LDB1: variants seen among roughly 807,000 people sequenced by gnomAD.
LDB1 encodes the protein LIM domain binding 1.
LDB1 carries 6 observed loss-of-function variants against 49.7 expected under a neutral mutation model. The ratio of observed to expected loss-of-function variants is 0.12; its 90% CI spans 0.07 to 0.24. The LOEUF is 0.24. Among genes scored for constraint, LDB1 ranks in the 10% least tolerant of loss-of-function variants. The probability of loss-of-function intolerance (pLI) is 1.00; values close to 1 mark genes in which losing one functional copy is unlikely to be tolerated. For synonymous variants in LDB1, 233 were observed against 202.0 expected (o/e 1.15, Z -1.30); for missense variants, 341 against 561.7 (o/e 0.61, Z 3.97).
At chr10:102,110,846 G>A (rs751416953) in intron 5 of LDB1, 23 bp downstream of exon 5, 2 of 1,604,102 alleles carry the variant, frequency 1.2e-6, no homozygotes, top group South Asian at 1.1e-5. Flanking sequence ...CACCCTCATA[G>A]CAAGACCCCA....
chr10:102,110,073 C>T, intron 6 of LDB1, 30 bp from the exon 7 acceptor site: 1 of 1,603,234 alleles, frequency 6.2e-7, no homozygotes, highest in Non-Finnish European at 8.5e-7. Context: ...AACCCTGCCC[C>T]CTCCCCACAT....
intron 1 of LDB1, among the ~76,000 whole-genome samples, chr10:102,119,022 A>G (rs930449537): frequency 6.6e-6 from 1 of 152,192 alleles, no homozygotes; most frequent in African/African-American, 2.4e-5. Context: ...CCTGGGTCAC[A>G]TGATTTTCAA....
rs1273395820 is a variant in LDB1, at chr10:102,109,858, C to A, written c.648+63G>T. 4.4e-6 allele frequency: 7 copies of A among 1,587,446 alleles called. 1 individual carries two copies. Among genetic ancestry groups the A allele is most frequent in the Middle Eastern group, 3.4e-4 (2 of 5,832 alleles). ...AAGTAGTCAGTCGGGAAATGGCAGA[C>A]CTTGTTCCACCCTTCCCCCGCCTGC... is the stretch of plus-strand genomic sequence containing the variant. On this transcript the variant is annotated intron_variant, in intron 7 of 10. Coordinates refer to ENST00000673968, the MANE Select transcript of LDB1 (RefSeq NM_001113407.3). The surrounding 1 kb of genome is among the most constrained non-coding windows in gnomAD (Gnocchi z 5.8).
intron 1 of LDB1, among the ~76,000 whole-genome samples, chr10:102,115,814 T>TC (rs35398062): frequency 1.3e-5 from 2 of 152,134 alleles, no homozygotes; most frequent in Non-Finnish European, 2.9e-5. Context: ...CTATTTTTTT[T>TC]CCTAAGGTAA....
chr10:102,112,397 C>T (rs1028004988), intron 1 of LDB1, among the ~76,000 whole-genome samples: 5 of 152,132 alleles, frequency 3.3e-5, no homozygotes, highest in Non-Finnish European at 5.9e-5. Context: ...CCATCTGACC[C>T]CTCTATTGCC....
chr10:102,116,306 T>C lies in LDB1; in HGVS notation c.25+3780A>G, dbSNP rs1436838662. Among the ~76,000 whole-genome samples the C allele has an allele frequency of 7.2e-5, 11 of 152,164 alleles. No individual in the cohort carries two copies. In the East Asian group the frequency reaches 1.9e-3, roughly 27 times the overall value. The stretch of plus-strand genomic sequence containing the variant: ...AAGCGATTCTCCTGCCTCAGCCTCC[T>C]GAGTAGCTGAGATTACAGGTGCATG... On this transcript the variant is annotated intron_variant, in intron 1 of 10. Coordinates refer to ENST00000673968, the MANE Select transcript of LDB1 (RefSeq NM_001113407.3).
At chr10:102,103,621 C>T (rs943680168), downstream of LDB1, among the ~76,000 whole-genome samples, 1 of 152,064 alleles carries the variant, frequency 6.6e-6, no homozygotes, top group Non-Finnish European at 1.5e-5. Flanking sequence ...CAAGACCAGC[C>T]TGGCTGACAT....
Position 102,114,873 on chromosome 10 carries a change from C to T in LDB1, c.26-3337G>A, listed in dbSNP as rs575832338. 4.1e-6 allele frequency: 4 copies of T among 983,134 alleles called. No homozygotes were observed. In the South Asian group the frequency reaches 1.9e-4, roughly 46 times the overall value. The allele number at this position is 983,134 out of a possible 1,614,324, so 60.9% of individuals were successfully genotyped here. On this transcript the variant is annotated intron_variant, in intron 1 of 10. Transcript: ENST00000673968. Reference sequence around the variant, plus strand: ...CTGGGGGCACCAGGAGAGGCAGGACCCGGCACTCACACTCACTCACACTCG... The same window carrying T: ...CTGGGGGCACCAGGAGAGGCAGGACTCGGCACTCACACTCACTCACACTCG...
chr10:102,114,812 G>GGGCCCCCCCCCC, intron 1 of LDB1: 317 of 929,642 alleles, frequency 3.4e-4, no homozygotes, highest in Non-Finnish European at 3.7e-4. Flanking sequence ...CCTCCGAGCA[G>GGGCCCCCCCCCC]CCCGCCCGCC....
At chr10:102,120,517 T>A, upstream of LDB1, 1 of 342,734 alleles carries the variant, frequency 2.9e-6, no homozygotes, top group Non-Finnish European at 4.1e-6. Context: ...CGGGCTTTAT[T>A]AATATGCTAA....
At chr10:102,110,132 C>G in intron 6 of LDB1, 89 bp from the exon 7 acceptor site, 1 of 1,421,126 alleles carries the variant, frequency 7.0e-7, no homozygotes, top group Non-Finnish European at 9.6e-7. Context: ...GCTTACAACT[C>G]TCCCATTGCA....
At chr10:102,118,504 C>T (rs1462049102) in intron 1 of LDB1, among the ~76,000 whole-genome samples, 1 of 152,188 alleles carries the variant, frequency 6.6e-6, no homozygotes, top group East Asian at 1.9e-4. Flanking sequence ...TTTCTCTCTC[C>T]TCCCACTGGA....
intron 1 of LDB1, among the ~76,000 whole-genome samples, chr10:102,113,170 T>TCTCTCCC (rs2068280501): frequency 6.6e-6 from 1 of 152,132 alleles, no homozygotes; most frequent in Non-Finnish European, 1.5e-5. Flanking sequence ...GTCATTTAAT[T>TCTCTCCC]CTCTCCCCAG....
chr10:102,116,243 G>A (rs372599538), intron 1 of LDB1, among the ~76,000 whole-genome samples: 10 of 152,088 alleles, frequency 6.6e-5, no homozygotes, highest in Admixed American at 4.6e-4. Context: ...GTGCAGTGGC[G>A]CGATCTCGGC....
rs939847077 is a variant in LDB1 at position 102,117,615 on chromosome 10, G to A, written c.25+2471C>T. Among the ~76,000 whole-genome samples the A allele has an allele frequency of 2.6e-5, 4 of 152,000 alleles. No individual in the cohort carries two copies. Among genetic ancestry groups the A allele is most frequent in the African/African-American group, 7.2e-5 (3 of 41,382 alleles). On this transcript the variant is annotated intron_variant, in intron 1 of 10. Coordinates refer to ENST00000673968, the MANE Select transcript of LDB1 (RefSeq NM_001113407.3). This position sits in a 1 kb window ranked among gnomAD's most constrained non-coding sequence, Gnocchi z 4.2. ...TTCCTTTGTCTGTGCCCGGCCTCCC[G>A]TTGGCCTGGCGCTCTGCCATCCTCC...
At chr10:102,111,000 T>A (rs779918285) in intron 4 of LDB1, 29 bp from the exon 5 acceptor site, 6 of 1,611,534 alleles carry the variant, frequency 3.7e-6, no homozygotes, top group Non-Finnish European at 5.1e-6. Context: ...GGTGTTCATG[T>A]GTCATAAGAT....
rs1485499125 is a variant in LDB1 at position 102,117,282 on chromosome 10, A to G, written c.25+2804T>C. 6.6e-6 allele frequency among the ~76,000 whole-genome samples: 1 copy of G among 152,124 alleles called. No individual in the cohort carries two copies. Among genetic ancestry groups the G allele is most frequent in the Non-Finnish European group, 1.5e-5 (1 of 68,020 alleles). ...GATGTATCGACTGGCAAACCATTCA[A>G]AACAGGCCTTCTAGTTATTCTCTAG... On this transcript the variant is annotated intron_variant, in intron 1 of 10. Coordinates refer to ENST00000673968, the MANE Select transcript of LDB1 (RefSeq NM_001113407.3). This position sits in a 1 kb window ranked among gnomAD's most constrained non-coding sequence, Gnocchi z 4.2.
At chr10:102,121,131 G>A (rs538224133), upstream of LDB1, among the ~76,000 whole-genome samples, 11 of 152,284 alleles carry the variant, frequency 7.2e-5, no homozygotes, top group East Asian at 2.1e-3. Flanking sequence ...CTTGGGATCT[G>A]TGTTTTGCTG....
intron 10 of LDB1, 200 bp downstream of exon 10, chr10:102,108,829 A>T: frequency 1.5e-6 from 1 of 671,240 alleles, no homozygotes; most frequent in South Asian, 1.8e-5. Context: ...CTAGCTTCCT[A>T]TGGCTGAGTC....
Sources: allele counts gnomAD v4.1 joint callset (sites outside exome capture counted in the v4.1 genomes callset), GRCh38; gene constraint gnomAD v4.1.1; non-coding constraint Gnocchi (gnomAD v3.1); transcripts MANE v1.5; gene names NCBI Gene and HGNC (gene_info 2026-07-23, HGNC 2026-07-21).